Variants in AMT observed in about 807,000 individuals in gnomAD.
AMT encodes the protein aminomethyltransferase.
A neutral mutation model predicts 39.5 loss-of-function variants in AMT; 24 were observed. The ratio of observed to expected loss-of-function variants is 0.61; its 90% CI spans 0.44 to 0.86. AMT has a LOEUF of 0.86. AMT is among the 40% of genes least tolerant of loss of function. The pLI is 0.00. For missense variants in AMT, 501 were observed against 537.0 expected (o/e 0.93, Z 0.66); for synonymous variants, 210 against 212.1 (o/e 0.99, Z 0.09).
In AMT at chr3:49,417,710, T is replaced by A; in HGVS notation, c.1042A>T (p.Thr348Ser). Reference protein sequence around the residue: ...NMEGTKIGTVTSGCPSPSLKK... With the variant: ...NMEGTKIGTVSSGCPSPSLKK... ...AGAGAGGGGGAGGGGCAGCCACTAGTCACAGTACCTGTCAAGCAAGCATAA... is the reference window on the plus strand; with the variant it reads ...AGAGAGGGGGAGGGGCAGCCACTAGACACAGTACCTGTCAAGCAAGCATAA... Residue 348 changes from threonine to serine, a missense_variant, in exon 9 of 9, where the codon ACT (threonine) becomes TCT (serine). Coordinates refer to ENST00000273588, the MANE Select transcript of AMT (RefSeq NM_000481.4). 1 of 1,613,954 alleles carries A rather than the reference T, an allele frequency of 6.2e-7. No homozygotes were observed. Among genetic ancestry groups the A allele is most frequent in the Non-Finnish European group, 8.5e-7 (1 of 1,180,018 alleles).
In AMT at chr3:49,420,932, TTTG is replaced by T. The variant is rs1166680849; in HGVS notation, c.339+557_339+559del. 5 of 202,950 alleles carry T rather than the reference TTTG, an allele frequency of 2.5e-5. No individual in the cohort carries two copies. The East Asian group carries it at 3.6e-4, about 14-fold the overall frequency. 12.6% of individuals were successfully genotyped at this position (202,950 alleles called of 1,614,324 possible). A position where few individuals can be genotyped will look rare whatever the true frequency, so the allele number is the denominator to read the frequency against. On this transcript the variant is annotated intron_variant, in intron 3 of 8. Transcript: ENST00000273588. Reference sequence around the variant, plus strand: ...AAAGATGCTGGTTTAGAGACCACACTTTGTTGTTGTTATTTTTCTTTTTAGACT... The same window carrying T: ...AAAGATGCTGGTTTAGAGACCACACTTTGTTGTTATTTTTCTTTTTAGACT...
chr3:49,420,119 G>T, intron 4 of AMT, 92 bp downstream of exon 4: 1 of 1,546,044 alleles, frequency 6.5e-7, no homozygotes, highest in Non-Finnish European at 8.9e-7. Flanking sequence ...CATTTTCCAG[G>T]TCCCTTGTCT....
chr3:49,418,792 A>G (rs1559528328), intron 7 of AMT, 179 bp downstream of exon 7: 2 of 696,578 alleles, frequency 2.9e-6, no homozygotes, highest in South Asian at 1.7e-5. Context: ...GATGTGAGCC[A>G]CCGCATCCGG....
intron 4 of AMT, 33 bp downstream of exon 4, chr3:49,420,178 A>C (rs917340566): frequency 1.2e-6 from 2 of 1,613,938 alleles, no homozygotes; most frequent in South Asian, 1.1e-5. Flanking sequence ...TGAACAAGGA[A>C]GACAAGGTGT....
rs386833686 is a variant in AMT, at chr3:49,422,391, C to CG, written c.59dup (p.Ala21GlyfsTer7). 6.2e-7 allele frequency: 1 copy of CG among 1,613,822 alleles called. No individual in the cohort carries two copies. On this transcript the variant is annotated frameshift_variant, in exon 1 of 9. Coordinates refer to ENST00000273588, the MANE Select transcript of AMT (RefSeq NM_000481.4). LOFTEE classifies it high-confidence loss of function. ...CGCAACTAAGTGGACGACACAAGGC[C>CG]GGGGGGAATGCCTGCAGGCGAAAGC...
At chr3:49,421,073 T>C in intron 3 of AMT, 1 of 267,810 alleles carries the variant, frequency 3.7e-6, no homozygotes, top group Non-Finnish European at 7.4e-6. Flanking sequence ...CCCGGCTAAT[T>C]TTTGTGTTTT....
At position 49,417,986 on chromosome 3, in the gene AMT, A is replaced by G; in HGVS notation, c.878-13T>C. On this transcript the variant is annotated splice_polypyrimidine_tract_variant and intron_variant, in intron 7 of 8. Coordinates refer to ENST00000273588, the MANE Select transcript of AMT (RefSeq NM_000481.4). ...CGGCGGCGCTTCCCTGGAGAATGACACATGAGACATAAGCCACAGCCCATA... is the reference window on the plus strand; with the variant it reads ...CGGCGGCGCTTCCCTGGAGAATGACGCATGAGACATAAGCCACAGCCCATA... The G allele has an allele frequency of 1.2e-6, 2 of 1,600,280 alleles. No homozygotes were observed. The highest frequency in any genetic ancestry group is 1.7e-6 in the Non-Finnish European group (2 of 1,174,308).
At position 49,421,943 on chromosome 3, in the gene AMT, T is replaced by A. The variant is rs1464566; in HGVS notation, c.258+161A>T. 1.0e-6 allele frequency: 1 copy of A among 982,046 alleles called. No homozygotes were observed. The highest frequency in any genetic ancestry group is 1.6e-6 in the Non-Finnish European group (1 of 632,328). The allele number at this position is 982,046 out of a possible 1,614,324, so 60.8% of individuals were successfully genotyped here. Reference sequence around the variant, plus strand: ...GATGATGAGACCCTCTGAGCTCATTTCCTTGGGGCCATTGACCTATCCATG... The same window carrying A: ...GATGATGAGACCCTCTGAGCTCATTACCTTGGGGCCATTGACCTATCCATG... On this transcript the variant is annotated intron_variant, in intron 2 of 8. Transcript: ENST00000273588.
Position 49,418,885 on chromosome 3 carries a change from C to T in AMT, c.877+86G>A, listed in dbSNP as rs922342860. On this transcript the variant is annotated intron_variant, in intron 7 of 8. Transcript: ENST00000273588. ...CTCAGGAAGGCTTCAGGCTACATAACCTTTGGATGAGTCATGGGCTGGCTA... is the reference window on the plus strand; with the variant it reads ...CTCAGGAAGGCTTCAGGCTACATAATCTTTGGATGAGTCATGGGCTGGCTA... 5.5e-6 allele frequency: 8 copies of T among 1,452,554 alleles called. No individual in the cohort carries two copies. The African/African-American group carries it at 8.4e-5, about 15-fold the overall frequency. The allele number at this position is 1,452,554 out of a possible 1,614,324, so 90.0% of individuals were successfully genotyped here. A position where few individuals can be genotyped will look rare whatever the true frequency, so the allele number is the denominator to read the frequency against.
Position 49,417,950 on chromosome 3 carries a change from C to G in AMT, c.901G>C (p.Asp301His). Residue 301 changes from aspartate (D) to histidine (H), a missense_variant, in exon 8 of 9, where the codon GAC becomes CAC. Coordinates refer to ENST00000273588, the MANE Select transcript of AMT (RefSeq NM_000481.4). ...TLGKRRRAAMDFPGAKVIVPQ... is the reference protein window; with the variant it reads ...TLGKRRRAAMHFPGAKVIVPQ... ...ACAATGACCTTGGCTCCAGGGAAGT[C>G]CATAGCAGCTCGGCGGCGCTTCCCT... 1 of 1,613,584 alleles carries G rather than the reference C, an allele frequency of 6.2e-7. No individual in the cohort carries two copies. The highest frequency in any genetic ancestry group is 8.5e-7 in the Non-Finnish European group (1 of 1,179,848).
In AMT at chr3:49,418,850, G is replaced by A; in HGVS notation, c.877+121C>T. 4 of 1,102,624 alleles carry A rather than the reference G, an allele frequency of 3.6e-6. No individual in the cohort carries two copies. The South Asian group carries it at 5.2e-5, about 14-fold the overall frequency. 68.3% of individuals were successfully genotyped at this position (1,102,624 alleles called of 1,614,324 possible). ...GGCAAAGGCACAGTGGCACCTTCAG[G>A]GAAGGGAGGCTCAGGAAGGCTTCAG... is the stretch of plus-strand genomic sequence containing the variant. On this transcript the variant is annotated intron_variant, in intron 7 of 8. Transcript: ENST00000273588.
chr3:49,418,206 T>A, intron 7 of AMT: 1 of 560,708 alleles, frequency 1.8e-6, no homozygotes. Flanking sequence ...TTTTTTGAGA[T>A]GGAGTCACTC....
At chr3:49,420,170 A>G (rs1302305416) in intron 4 of AMT, 41 bp downstream of exon 4, 1 of 1,613,686 alleles carries the variant, frequency 6.2e-7, no homozygotes, top group Non-Finnish European at 8.5e-7. Flanking sequence ...CTGCTCTATG[A>G]ACAAGGAAGA....
At chr3:49,420,463 CAG>C (rs2049081069) in intron 3 of AMT, 121 bp from the exon 4 acceptor site, 12 of 1,462,766 alleles carry the variant, frequency 8.2e-6, no homozygotes, top group South Asian at 2.3e-5. Context: ...GTGAAGGACT[CAG>C]GGTGTGCAAG....
In AMT at chr3:49,417,654, G is replaced by A. The variant is rs1231229906; in HGVS notation, c.1098C>T (p.Pro366=). ...LKKNVAMGYV[P]CEYSRPGTML... is the part of the protein sequence containing the mutation. The stretch of plus-strand genomic sequence containing the variant: ...TTGTCCCTGGACGACTGTACTCGCA[G>A]GGCACATAACCCATCGCCACATTCT... The change falls in exon 9 of 9, where the codon CCC becomes CCT. Residue 366 remains proline, a synonymous_variant. Transcript: ENST00000273588. The A allele has an allele frequency of 2.5e-6, 4 of 1,614,130 alleles. No individual in the cohort carries two copies. In the East Asian group the frequency reaches 8.9e-5, roughly 36 times the overall value.
At chr3:49,419,194 A>G in intron 6 of AMT, 43 bp from the exon 7 acceptor site, 1 of 1,611,630 alleles carries the variant, frequency 6.2e-7, no homozygotes, top group Non-Finnish European at 8.5e-7. Context: ...TCCCTGTACC[A>G]CATACCCCCA....
At chr3:49,421,767 G>T (rs1290084410) in intron 2 of AMT, 195 bp from the exon 3 acceptor site, 2 of 681,910 alleles carry the variant, frequency 2.9e-6, no homozygotes, top group South Asian at 1.6e-5. Flanking sequence ...TGTGTGGGGG[G>T]ACTGCCAGGG....
At chr3:49,421,262 C>T (rs1218236783) in intron 3 of AMT, 8 of 566,770 alleles carry the variant, frequency 1.4e-5, no homozygotes, top group Non-Finnish European at 2.2e-5. Flanking sequence ...CAGAGAGCAG[C>T]ATATTAACCT....
chr3:49,419,055 G>T lies in AMT; in HGVS notation c.793C>A (p.Arg265Ser). The change falls in exon 7 of 9, where the codon CGC becomes AGC. Residue 265 changes from arginine to serine, a missense_variant. Arg to Ser is a moderately radical substitution (Grantham distance 110). Transcript: ENST00000273588. ...LAGLAARDSLRLEAGLCLYGN... is the reference protein window; with the variant it reads ...LAGLAARDSLSLEAGLCLYGN... ...TACAGGCAGAGGCCTGCCTCCAGGC[G>T]CAGGCTGTCCCTGGCTGCCAGCCCT... The T allele has an allele frequency of 6.2e-7, 1 of 1,613,844 alleles. No individual in the cohort carries two copies. Among genetic ancestry groups the T allele is most frequent in the Non-Finnish European group, 8.5e-7 (1 of 1,179,972 alleles).
Sources: gnomAD v4.1 joint callset for allele counts on GRCh38, gnomAD v4.1.1 for gene constraint, MANE v1.5 for transcripts, NCBI Gene and HGNC (gene_info 2026-07-23, HGNC 2026-07-21) for gene names.